Variants in MEMO1 observed in about 807,000 individuals in gnomAD.
MEMO1 encodes protein MEMO1.
In MEMO1, 6 loss-of-function variants were observed where a neutral mutation model predicts 45.2. The observed-to-expected ratio is 0.13, with a 90% CI of 0.07 to 0.26. The LOEUF (loss-of-function observed/expected upper bound fraction) is 0.26. Among genes scored for constraint, MEMO1 ranks in the 10% least tolerant of loss-of-function variants. The probability of loss-of-function intolerance (pLI) is 1.00; values close to 1 mark genes in which losing one functional copy is unlikely to be tolerated. For synonymous variants in MEMO1, 78 were observed against 124.3 expected (o/e 0.63, Z 2.48); for missense variants, 184 against 370.5 (o/e 0.50, Z 4.13).
intron 8 of MEMO1, among the ~76,000 whole-genome samples, chr2:31,879,904 C>T (rs892965693): frequency 6.6e-6 from 1 of 152,100 alleles, no homozygotes; most frequent in Non-Finnish European, 1.5e-5. Context: ...CTCTTATATT[C>T]CCTGTATTAG....
At chr2:31,903,253 C>G (rs756519175) in intron 6 of MEMO1, among the ~76,000 whole-genome samples, 38 of 152,090 alleles carry the variant, frequency 2.5e-4, no homozygotes, top group Non-Finnish European at 4.3e-4. Context: ...GTCCCAGTAT[C>G]TTAAGATGTG....
At chr2:31,880,712 C>CT (rs1553357245) in intron 8 of MEMO1, among the ~76,000 whole-genome samples, 2 of 152,176 alleles carry the variant, frequency 1.3e-5, no homozygotes, top group Non-Finnish European at 2.9e-5. Flanking sequence ...TTAAAATAAT[C>CT]TGTCAGTGGT....
At chr2:31,964,413 T>C (rs1668370447) in intron 2 of MEMO1, among the ~76,000 whole-genome samples, 1 of 152,078 alleles carries the variant, frequency 6.6e-6, no homozygotes, top group South Asian at 2.1e-4. Context: ...AATCACCGAG[T>C]AGGCCGGGTG....
At chr2:31,884,259 T>G (rs1675830826) in intron 7 of MEMO1, among the ~76,000 whole-genome samples, 1 of 152,146 alleles carries the variant, frequency 6.6e-6, no homozygotes, top group Non-Finnish European at 1.5e-5. Flanking sequence ...AAAATTTTCT[T>G]AACTAATTAT....
At chr2:31,928,341 G>A (rs1415860043) in intron 4 of MEMO1, among the ~76,000 whole-genome samples, 5 of 152,250 alleles carry the variant, frequency 3.3e-5, no homozygotes, top group East Asian at 1.9e-4. Context: ...TGAGGTGTTC[G>A]AGACCAGCCT....
rs1188686020 is a variant in MEMO1, at chr2:31,883,352, T to TA, written c.657+33dup. 6 of 1,392,724 alleles carry TA rather than the reference T, an allele frequency of 4.3e-6. No individual in the cohort carries two copies. The African/African-American group carries it at 8.8e-5, about 20-fold the overall frequency. 86.3% of individuals were successfully genotyped at this position (1,392,724 alleles called of 1,614,324 possible). A position where few individuals can be genotyped will look rare whatever the true frequency, so the allele number is the denominator to read the frequency against. On this transcript the variant is annotated intron_variant, in intron 8 of 9. Coordinates refer to ENST00000404530, the MANE Select transcript of MEMO1 (RefSeq NM_001301833.4). ...TAATCTGAAATTAAAGAAAAAGCCT[T>TA]AGAGCATTAAAATCCCACACCTGAA... is the stretch of plus-strand genomic sequence containing the variant.
chr2:31,997,413 T>TGG (rs1572934306), intron 2 of MEMO1, among the ~76,000 whole-genome samples: 2 of 152,204 alleles, frequency 1.3e-5, no homozygotes, highest in Admixed American at 1.3e-4. Flanking sequence ...TTTTATATTT[T>TGG]TAGTAGAGAT....
At chr2:31,899,107 G>A (rs573228127) in intron 6 of MEMO1, among the ~76,000 whole-genome samples, 6 of 152,180 alleles carry the variant, frequency 3.9e-5, no homozygotes, top group South Asian at 2.1e-4. Flanking sequence ...ACAGCCCACC[G>A]CCCAAAGTAA....
chr2:31,922,133 T>G (rs191060568), intron 4 of MEMO1, among the ~76,000 whole-genome samples: 57 of 152,280 alleles, frequency 3.7e-4, no homozygotes, highest in African/African-American at 1.4e-3. Flanking sequence ...AGAAAAGTAT[T>G]ACTGATTGCT....
intron 2 of MEMO1, among the ~76,000 whole-genome samples, chr2:31,960,461 G>A (rs1290099362): frequency 6.6e-6 from 1 of 151,920 alleles, no homozygotes; most frequent in Admixed American, 6.6e-5. Context: ...TAATTACACT[G>A]TACCCTGCTA....
At chr2:31,974,485 G>A (rs150638903) in intron 2 of MEMO1, among the ~76,000 whole-genome samples, 1,538 of 152,240 alleles carry the variant, frequency 0.01, 18 homozygotes, top group Middle Eastern at 0.058. Flanking sequence ...GGTGACTCAC[G>A]CCTGTAATCC....
At chr2:31,992,030 G>A (rs1452021088) in intron 2 of MEMO1, among the ~76,000 whole-genome samples, 1 of 152,152 alleles carries the variant, frequency 6.6e-6, no homozygotes, top group Non-Finnish European at 1.5e-5. Context: ...GGAATATTCT[G>A]AAATTGTGAG....
At chr2:31,975,738 T>C (rs1669933799) in intron 2 of MEMO1, among the ~76,000 whole-genome samples, 1 of 152,078 alleles carries the variant, frequency 6.6e-6, no homozygotes. Flanking sequence ...TACTAAAAAA[T>C]ACACTCATAT....
At position 31,902,641 on chromosome 2, in the gene MEMO1, C is replaced by T. The variant is rs539883528; in HGVS notation, c.438-10507G>A. 6.6e-5 allele frequency among the ~76,000 whole-genome samples: 10 copies of T among 152,234 alleles called. No homozygotes were observed. In the East Asian group the frequency reaches 1.2e-3, roughly 18 times the overall value. ...TTAGTAACACAGAGGAATCTTTTAG[C>T]CCTTCTTTTTTTGTCTTATAGCTTA... is the stretch of plus-strand genomic sequence containing the variant. On this transcript the variant is annotated intron_variant, in intron 6 of 9. Coordinates refer to ENST00000404530, the MANE Select transcript of MEMO1 (RefSeq NM_001301833.4).
At chr2:31,950,548 A>G (rs1343741133) in intron 2 of MEMO1, among the ~76,000 whole-genome samples, 1 of 151,746 alleles carries the variant, frequency 6.6e-6, no homozygotes, top group East Asian at 1.9e-4. Flanking sequence ...GTGAAACCCC[A>G]TCTCTACTAA....
chr2:32,006,182 T>C (rs781335717), intron 2 of MEMO1, among the ~76,000 whole-genome samples: 7 of 152,198 alleles, frequency 4.6e-5, no homozygotes, highest in Non-Finnish European at 8.8e-5. Context: ...AGAGGCAAGA[T>C]AGATCAGTGA....
chr2:31,917,095 C>T (rs898959206), intron 6 of MEMO1, among the ~76,000 whole-genome samples: 1 of 152,082 alleles, frequency 6.6e-6, no homozygotes, highest in South Asian at 2.1e-4. Context: ...TTTATTAGTA[C>T]ATTTAATTAA....
chr2:31,976,014 C>T (rs1256133931), intron 2 of MEMO1, among the ~76,000 whole-genome samples: 1 of 152,128 alleles, frequency 6.6e-6, no homozygotes, highest in African/African-American at 2.4e-5. Context: ...CCTCAGCCTC[C>T]CGAGTAGCTG....
chr2:31,955,138 G>A (rs1667265177), intron 2 of MEMO1, among the ~76,000 whole-genome samples: 1 of 151,872 alleles, frequency 6.6e-6, no homozygotes. Context: ...CTCCAGGGCT[G>A]AGGCAGGAAG....
Sources: gnomAD v4.1 joint callset for allele counts (sites outside exome capture counted in the v4.1 genomes callset) on GRCh38, gnomAD v4.1.1 for gene constraint, MANE v1.5 for transcripts, NCBI Gene and HGNC (gene_info 2026-07-23, HGNC 2026-07-21) for gene names.